Variants in ZNF397 observed in about 807,000 individuals in gnomAD.
The protein encoded by ZNF397 is zinc finger and SCAN domain-containing protein 15.
In ZNF397, 38 loss-of-function variants were observed where a neutral mutation model predicts 50.6. The ratio of observed to expected loss-of-function variants is 0.75; its 90% CI spans 0.58 to 0.98. ZNF397 has a LOEUF of 0.98. Ranked by LOEUF, ZNF397 falls within the 50% of genes least tolerant of loss-of-function variation. The pLI is 0.00. For synonymous variants in ZNF397, 228 were observed against 215.2 expected (o/e 1.06, Z -0.52); for missense variants, 624 against 624.1 (o/e 1.00, Z 0.00).
Position 35,243,377 on chromosome 18 carries a change from T to G in ZNF397, c.556+84T>G, listed in dbSNP as rs780953728. On this transcript the variant is annotated intron_variant, in intron 3 of 3. Coordinates refer to ENST00000330501, the MANE Select transcript of ZNF397 (RefSeq NM_001135178.3). ...GCAGAATTAATTGCACTTGACAAACTTGCCACATGTGAGCATCACCTTTAT... is the reference window on the plus strand; with the variant it reads ...GCAGAATTAATTGCACTTGACAAACGTGCCACATGTGAGCATCACCTTTAT... 3 of 1,594,698 alleles carry G rather than the reference T, an allele frequency of 1.9e-6. No homozygotes were observed. The East Asian group carries it at 6.7e-5, about 36-fold the overall frequency.
chr18:35,243,166 A>T lies in ZNF397; in HGVS notation c.429A>T (p.Pro143=), dbSNP rs987618201. ...DDPGQQVPAS[P]QGPAVPWKDL... is the part of the protein sequence containing the mutation. ...ACTGATTTCAGGTCCCAGCTAGTCC[A>T]CAGGGACCAGCAGTGCCATGGAAGG... The change falls in exon 3 of 4, where the codon CCA becomes CCT. Residue 143 remains proline (P), a synonymous_variant. Transcript: ENST00000330501. 10 of 1,614,096 alleles carry T rather than the reference A, an allele frequency of 6.2e-6. No homozygotes were observed. In the African/African-American group the frequency reaches 1.2e-4, roughly 19 times the overall value.
At chr18:35,242,292 C>T in intron 1 of ZNF397, 99 bp from the exon 2 acceptor site, 1 of 547,656 alleles carries the variant, frequency 1.8e-6, no homozygotes, top group Non-Finnish European at 3.1e-6. Flanking sequence ...CCCAAATCTA[C>T]TCCCTTTCAA....
At chr18:35,254,132 G>A (rs2043702888), downstream of ZNF397, 1 of 1,614,168 alleles carries the variant, frequency 6.2e-7, no homozygotes, top group South Asian at 1.1e-5. Flanking sequence ...ACTGTGTTCT[G>A]TGGGGATTCT....
chr18:35,253,984 A>C, downstream of ZNF397: 1 of 1,614,216 alleles, frequency 6.2e-7, no homozygotes. Context: ...TCTGATGTCT[A>C]ATCAGCTTTG....
intron 3 of ZNF397, among the ~76,000 whole-genome samples, chr18:35,244,667 T>C (rs998451079): frequency 2.7e-5 from 4 of 150,116 alleles, no homozygotes; most frequent in Non-Finnish European, 5.9e-5. Flanking sequence ...GTGTCAATGC[T>C]ACAGAGAGGC....
Position 35,247,224 on chromosome 18 carries a change from A to G in ZNF397, c.*914A>G. 2.1e-6 allele frequency: 2 copies of G among 975,124 alleles called. No homozygotes were observed. The highest frequency in any genetic ancestry group is 2.4e-6 in the Non-Finnish European group (2 of 820,550). The allele number at this position is 975,124 out of a possible 1,614,324, so 60.4% of individuals were successfully genotyped here. On this transcript the variant is annotated 3_prime_UTR_variant, in exon 4 of 4. Coordinates refer to ENST00000330501, the MANE Select transcript of ZNF397 (RefSeq NM_001135178.3). ...AATGGAGAAGTTCCTGTTAATAGAC[A>G]AAACCTGGAGCCCTTGGGCCACAGG...
At chr18:35,245,195 C>A in intron 3 of ZNF397, 67 bp from the exon 4 acceptor site, 1 of 1,467,992 alleles carries the variant, frequency 6.8e-7, no homozygotes, top group Admixed American at 2.7e-5. Context: ...TGTTTTCTCT[C>A]ATGTAGAAAG....
At chr18:35,254,063 T>G, downstream of ZNF397, 1 of 1,614,174 alleles carries the variant, frequency 6.2e-7, no homozygotes, top group Non-Finnish European at 8.5e-7. Flanking sequence ...AACGCTCTGT[T>G]GTGTAATATC....
At position 35,242,452 on chromosome 18, in the gene ZNF397, T is replaced by G. The variant is rs1424009354; in HGVS notation, c.-19T>G. ...GAACCAGTTGTACTGAGCTTTTTGC[T>G]AAGCTGTTTCAGCCAAGAATGGCTG... On this transcript the variant is annotated 5_prime_UTR_variant, in exon 2 of 4. Coordinates refer to ENST00000330501, the MANE Select transcript of ZNF397 (RefSeq NM_001135178.3). 1.2e-6 allele frequency: 2 copies of G among 1,602,006 alleles called. No individual in the cohort carries two copies. Among genetic ancestry groups the G allele is most frequent in the Non-Finnish European group, 8.5e-7 (1 of 1,173,364 alleles).
At position 35,245,427 on chromosome 18, in the gene ZNF397, G is replaced by T; in HGVS notation, c.722G>T (p.Gly241Val). ...AAACTAAGATCTCCTTCCCAAGGGG[G>T]CAGTTTTAGTCAAGTGATCTTCACA... ...GEKLRSPSQG[G>V]SFSQVIFTNK... is the part of the protein sequence containing the mutation. The change falls in exon 4 of 4, where the codon GGC (glycine) becomes GTC (valine). Residue 241 changes from glycine (G) to valine (V), a missense_variant. Transcript: ENST00000330501. The T allele has an allele frequency of 6.4e-7, 1 of 1,567,712 alleles. No homozygotes were observed. The highest frequency in any genetic ancestry group is 8.7e-7 in the Non-Finnish European group (1 of 1,155,906).
intron 1 of ZNF397, chr18:35,241,643 C>T (rs945318195): frequency 6.6e-6 from 1 of 152,216 alleles, no homozygotes; most frequent in South Asian, 2.1e-4. Context: ...ATACGGATCT[C>T]TTTGCTGCTT....
downstream of ZNF397, chr18:35,253,296 A>G (rs1598598512): frequency 9.0e-6 from 5 of 558,152 alleles, no homozygotes; most frequent in South Asian, 6.8e-5. Context: ...TTCAATAATC[A>G]TAACAAACAT....
Position 35,242,656 on chromosome 18 carries a change from T to C in ZNF397, c.186T>C (p.Pro62=). ...GAAAATTTTGCTACCAGGAGACACC[T>C]GGGCCCCGGGAGGCTCTGAGCCGAC... is the stretch of plus-strand genomic sequence containing the variant. ...QFRKFCYQET[P]GPREALSRLQ... The change falls in exon 2 of 4, where the codon CCT becomes CCC. Residue 62 remains proline (P), a synonymous_variant. Transcript: ENST00000330501. 2 of 1,614,230 alleles carry C rather than the reference T, an allele frequency of 1.2e-6. No individual in the cohort carries two copies. Among genetic ancestry groups the C allele is most frequent in the South Asian group, 2.2e-5 (2 of 91,088 alleles).
At chr18:35,254,167 A>G (rs772247013), downstream of ZNF397, 8 of 1,614,046 alleles carry the variant, frequency 5.0e-6, no homozygotes, top group Non-Finnish European at 6.8e-6. Flanking sequence ...CCAGACTGAA[A>G]TGTCTGTCCT....
At position 35,245,443 on chromosome 18, in the gene ZNF397, G is replaced by T. The variant is rs1296660861; in HGVS notation, c.738G>T (p.Val246=). 6.4e-7 allele frequency: 1 copy of T among 1,558,394 alleles called. No homozygotes were observed. Among genetic ancestry groups the T allele is most frequent in the East Asian group, 2.4e-5 (1 of 41,212 alleles). Residue 246 remains valine (V), a synonymous_variant, in exon 4 of 4, where the codon GTG becomes GTT. Coordinates refer to ENST00000330501, the MANE Select transcript of ZNF397 (RefSeq NM_001135178.3). The part of the protein sequence containing the change: ...SPSQGGSFSQ[V]IFTNKSLGKR... ...CCCAAGGGGGCAGTTTTAGTCAAGT[G>T]ATCTTCACAAACAAATCTCTAGGAA...
At chr18:35,255,113 G>A (rs532156653) in intron 5 of ZNF397, 3 of 151,712 alleles carry the variant, frequency 2.0e-5, no homozygotes, top group South Asian at 4.2e-4. Flanking sequence ...CAAAGAAGGG[G>A]ATGGAGACAA....
intron 1 of ZNF397, 169 bp downstream of exon 1, chr18:35,241,278 C>T (rs1000662403): frequency 3.3e-5 from 5 of 152,244 alleles, no homozygotes; most frequent in African/African-American, 4.8e-5. Flanking sequence ...CAAACTCCTG[C>T]TTTCCAAAGG....
chr18:35,245,135 T>TG, intron 3 of ZNF397, 127 bp from the exon 4 acceptor site: 1 of 1,287,836 alleles, frequency 7.8e-7, no homozygotes. Flanking sequence ...TTTGGCCAGT[T>TG]GAAAAAAAAG....
At chr18:35,254,134 G>C, downstream of ZNF397, 1 of 1,614,140 alleles carries the variant, frequency 6.2e-7, no homozygotes, top group Non-Finnish European at 8.5e-7. Context: ...TGTGTTCTGT[G>C]GGGATTCTTC....
Sources: allele counts gnomAD v4.1 joint callset (sites outside exome capture counted in the v4.1 genomes callset), GRCh38; gene constraint gnomAD v4.1.1; transcripts MANE v1.5; gene names NCBI Gene and HGNC (gene_info 2026-07-23, HGNC 2026-07-21).